Variants in KLHL8 observed in about 807,000 individuals in gnomAD.
KLHL8 encodes kelch-like protein 8.
KLHL8 carries 38 observed loss-of-function variants against 63.5 expected under a neutral mutation model. That is an observed-to-expected ratio of 0.60 (90% CI 0.46 to 0.78). KLHL8 has a LOEUF of 0.78. Among genes scored for constraint, KLHL8 ranks in the 30% least tolerant of loss-of-function variants. The probability of loss-of-function intolerance (pLI) is 0.00; values close to 1 mark genes in which losing one functional copy is unlikely to be tolerated. For missense variants in KLHL8, 566 were observed against 752.4 expected, an observed-to-expected ratio of 0.75 and a Z score of 2.90; for synonymous variants, 224 against 254.3, an observed-to-expected ratio of 0.88 and a Z score of 1.13.
intron 2 of KLHL8, among the ~76,000 whole-genome samples, chr4:87,194,194 G>C (rs1731602893): frequency 1.3e-5 from 2 of 152,140 alleles, no homozygotes; most frequent in African/African-American, 4.8e-5. Context: ...CCTTAAGAGA[G>C]GACTGGAGGG....
intron 1 of KLHL8, chr4:87,207,389 T>C (rs1388470556): frequency 1.5e-6 from 1 of 673,944 alleles, no homozygotes; most frequent in Non-Finnish European, 2.7e-6. Context: ...ACTGGTGTTT[T>C]CACCCCCATG....
rs1353544588 is a variant in KLHL8 at position 87,185,931 on chromosome 4, G to A, written c.217-132C>T. 8.3e-6 allele frequency: 6 copies of A among 723,054 alleles called. No individual in the cohort carries two copies. The Admixed American group carries it at 1.8e-4, about 22-fold the overall frequency. 44.8% of individuals were successfully genotyped at this position (723,054 alleles called of 1,614,324 possible). ...GTATCTTTTTATAAGGCGATCCTTT[G>A]ATCACTTACTTTCAAGTAGGCCAGT... On this transcript the variant is annotated intron_variant, in intron 2 of 9. Transcript: ENST00000273963.
At chr4:87,196,614 TCA>T (rs1215748252) in intron 1 of KLHL8, among the ~76,000 whole-genome samples, 13 of 152,352 alleles carry the variant, frequency 8.5e-5, no homozygotes, top group East Asian at 3.9e-4. Context: ...ATTTGCATTT[TCA>T]CATAGAACTT....
chr4:87,170,701 T>C, intron 6 of KLHL8, 86 bp from the exon 7 acceptor site: 2 of 1,138,818 alleles, frequency 1.8e-6, no homozygotes, highest in East Asian at 2.5e-5. Context: ...ATGCAAATCA[T>C]TTATCATGTT....
In KLHL8 at chr4:87,161,432, G is replaced by A. The variant is rs567099557; in HGVS notation, c.*2087C>T. 7.9e-5 allele frequency: 12 copies of A among 152,054 alleles called. No homozygotes were observed. Among genetic ancestry groups the A allele is most frequent in the African/African-American group, 1.9e-4 (8 of 41,474 alleles). The allele number at this position is 152,054 out of a possible 1,614,324, so 9.4% of individuals were successfully genotyped here. A position where few individuals can be genotyped will look rare whatever the true frequency, so the allele number is the denominator to read the frequency against. On this transcript the variant is annotated 3_prime_UTR_variant, in exon 10 of 10. Transcript: ENST00000273963. ...TACTTCTGAGTATTTCATATTTTAC[G>A]GGTAGGTAGGGTACCAACTTAGTAT... is the stretch of plus-strand genomic sequence containing the variant.
chr4:87,217,401 A>C (rs2110055772), intron 1 of KLHL8, among the ~76,000 whole-genome samples: 1 of 152,116 alleles, frequency 6.6e-6, no homozygotes, highest in Middle Eastern at 3.4e-3. Flanking sequence ...TGATGCAATC[A>C]TGGCTCACTG....
chr4:87,196,160 T>C (rs1731690241), intron 1 of KLHL8, among the ~76,000 whole-genome samples: 3 of 151,780 alleles, frequency 2.0e-5, no homozygotes. Context: ...GGAGTTTTTT[T>C]TTTTTTAGCA....
chr4:87,209,495 T>C (rs181805971), intron 1 of KLHL8, among the ~76,000 whole-genome samples: 2 of 152,350 alleles, frequency 1.3e-5, no homozygotes, highest in East Asian at 1.9e-4. Flanking sequence ...GACAGGTTTA[T>C]AGTTCAACGC....
intron 1 of KLHL8, among the ~76,000 whole-genome samples, chr4:87,211,164 G>T (rs1460514344): frequency 6.6e-6 from 1 of 152,162 alleles, no homozygotes; most frequent in Non-Finnish European, 1.5e-5. Flanking sequence ...GAACACTAGA[G>T]ATTATTTTTC....
intron 2 of KLHL8, 123 bp from the exon 3 acceptor site, chr4:87,185,922 C>CGATCCT (rs746900220): frequency 2.3e-5 from 18 of 781,652 alleles, no homozygotes; most frequent in Non-Finnish European, 3.4e-5. Flanking sequence ...TTTTATAAGG[C>CGATCCT]GATCCTTTGA....
upstream of KLHL8, among the ~76,000 whole-genome samples, chr4:87,223,125 G>GTTTGTTTCGTTTTGT (rs1732914962): frequency 6.8e-6 from 1 of 147,712 alleles, no homozygotes. Context: ...TAATTTTTTT[G>GTTTGTTTCGTTTTGT]TTTGTTTTGT....
At chr4:87,236,458 C>T (rs915562348) in intron 1 of KLHL8, among the ~76,000 whole-genome samples, 4 of 151,882 alleles carry the variant, frequency 2.6e-5, no homozygotes, top group Admixed American at 6.6e-5. Flanking sequence ...CTGCCCGCCT[C>T]GGCCTTCCAA....
rs115812655 is a variant in KLHL8 at position 87,172,373 on chromosome 4, G to C, written c.1209-1758C>G. Among the ~76,000 whole-genome samples the C allele has an allele frequency of 2.1e-3, 321 of 152,314 alleles. 2 individuals are homozygous for C. The highest frequency in any genetic ancestry group is 7.0e-3 in the African/African-American group (290 of 41,548). Reference sequence around the variant, plus strand: ...AGACAAAAGCCTAGCCCAATCTCTTGATTCTGGCCTTGTGGGACCCTAAGT... The same window carrying C: ...AGACAAAAGCCTAGCCCAATCTCTTCATTCTGGCCTTGTGGGACCCTAAGT... On this transcript the variant is annotated intron_variant, in intron 6 of 9. Coordinates refer to ENST00000273963, the MANE Select transcript of KLHL8 (RefSeq NM_020803.5).
At chr4:87,181,075 T>C (rs1234388607) in intron 4 of KLHL8, among the ~76,000 whole-genome samples, 1 of 151,544 alleles carries the variant, frequency 6.6e-6, no homozygotes, top group Non-Finnish European at 1.5e-5. Flanking sequence ...TGGAAGAAAC[T>C]GTGAAGATCA....
intron 1 of KLHL8, among the ~76,000 whole-genome samples, chr4:87,235,893 C>T (rs1177845494): frequency 6.9e-6 from 1 of 144,722 alleles, no homozygotes; most frequent in South Asian, 2.4e-4. Flanking sequence ...CGGGGCGGGT[C>T]GGTGGGGAGG....
At chr4:87,236,022 G>C (rs1390656321) in intron 1 of KLHL8, among the ~76,000 whole-genome samples, 1 of 152,104 alleles carries the variant, frequency 6.6e-6, no homozygotes, top group Non-Finnish European at 1.5e-5. Flanking sequence ...CTGCCTCCAA[G>C]TTGGTAGAAA....
intron 8 of KLHL8, chr4:87,167,509 C>T (rs924975798): frequency 3.5e-5 from 19 of 538,566 alleles, no homozygotes; most frequent in African/African-American, 7.7e-5. Flanking sequence ...TTTACCAATG[C>T]GGTTGTGTCC....
At chr4:87,171,216 A>G (rs968248690) in intron 6 of KLHL8, among the ~76,000 whole-genome samples, 1 of 152,202 alleles carries the variant, frequency 6.6e-6, no homozygotes, top group Non-Finnish European at 1.5e-5. Flanking sequence ...ACACTGCACC[A>G]ATCAAAAGTT....
At chr4:87,225,287 C>G (rs577911268), upstream of KLHL8, among the ~76,000 whole-genome samples, 2 of 152,276 alleles carry the variant, frequency 1.3e-5, no homozygotes, top group South Asian at 2.1e-4. Flanking sequence ...CATCTTACAA[C>G]TTATTTTTGC....
Sources: allele counts gnomAD v4.1 joint callset (sites outside exome capture counted in the v4.1 genomes callset), GRCh38; gene constraint gnomAD v4.1.1; transcripts MANE v1.5; gene names NCBI Gene and HGNC (gene_info 2026-07-23, HGNC 2026-07-21).